The following BTBD8 variants were observed in gnomAD, a reference collection of about 807,000 sequenced individuals.
The protein encoded by BTBD8 is BTB/POZ domain-containing protein 8.
A neutral mutation model predicts 162.9 loss-of-function variants in BTBD8; 110 were observed. The observed-to-expected ratio is 0.68, with a 90% CI of 0.58 to 0.79. The LOEUF (loss-of-function observed/expected upper bound fraction) is 0.79, where lower values mean the gene tolerates loss of function less well. Among genes scored for constraint, BTBD8 ranks in the 30% least tolerant of loss-of-function variants. The pLI is 0.00. For missense variants in BTBD8, 1,905 were observed against 2,085.4 expected, an observed-to-expected ratio of 0.91 and a Z score of 1.68; for synonymous variants, 667 against 716.1, an observed-to-expected ratio of 0.93 and a Z score of 1.10.
intron 4 of BTBD8, among the ~76,000 whole-genome samples, chr1:92,123,191 T>C (rs1649262498): frequency 6.6e-6 from 1 of 152,228 alleles, no homozygotes; most frequent in Admixed American, 6.5e-5. Flanking sequence ...CTCAATTCTG[T>C]TCCAGTGATT....
intron 9 of BTBD8, among the ~76,000 whole-genome samples, chr1:92,165,481 G>A (rs1650364508): frequency 6.6e-6 from 1 of 151,794 alleles, no homozygotes; most frequent in Non-Finnish European, 1.5e-5. Flanking sequence ...TATGGTATCA[G>A]GGAAGATGTA....
chr1:92,175,361 C>T (rs1650679395), intron 13 of BTBD8, among the ~76,000 whole-genome samples: 1 of 150,372 alleles, frequency 6.7e-6, no homozygotes, highest in Non-Finnish European at 1.5e-5. Context: ...TGCCTGTAGT[C>T]CCAGCTACTC....
chr1:92,116,931 C>G (rs902279142), intron 4 of BTBD8, among the ~76,000 whole-genome samples: 1 of 151,378 alleles, frequency 6.6e-6, no homozygotes, highest in Non-Finnish European at 1.5e-5. Flanking sequence ...CTTCTGTAAC[C>G]TTGAACTGCT....
At chr1:92,092,264 T>C (rs1236339976) in intron 2 of BTBD8, among the ~76,000 whole-genome samples, 1 of 151,944 alleles carries the variant, frequency 6.6e-6, no homozygotes, top group Non-Finnish European at 1.5e-5. Context: ...TAGCTGGATG[T>C]GGTGGTGTGC....
chr1:92,153,412 TAAC>T (rs376057832), intron 9 of BTBD8, among the ~76,000 whole-genome samples: 3 of 152,300 alleles, frequency 2.0e-5, no homozygotes, highest in African/African-American at 7.2e-5. Flanking sequence ...TCTATGCTCT[TAAC>T]AAATTTTTAA....
chr1:92,097,428 G>A (rs1346690667), intron 2 of BTBD8, among the ~76,000 whole-genome samples: 2 of 151,946 alleles, frequency 1.3e-5, no homozygotes, highest in Non-Finnish European at 2.9e-5. Context: ...CCATTCTAAA[G>A]TGTATGAGTC....
chr1:92,161,388 A>G (rs1374077801), intron 9 of BTBD8, among the ~76,000 whole-genome samples: 3 of 152,258 alleles, frequency 2.0e-5, no homozygotes. Flanking sequence ...ACATTAGAGT[A>G]TAACATGGAG....
chr1:92,118,052 C>T (rs1453172541), intron 4 of BTBD8, among the ~76,000 whole-genome samples: 1 of 151,912 alleles, frequency 6.6e-6, no homozygotes, highest in Non-Finnish European at 1.5e-5. Context: ...GTACAGTATT[C>T]TCGTATACCC....
intron 12 of BTBD8, 31 bp downstream of exon 12, chr1:92,169,026 A>G (rs1050412912): frequency 8.7e-6 from 13 of 1,492,306 alleles, no homozygotes; most frequent in African/African-American, 8.3e-5. Flanking sequence ...TTCAATTCTT[A>G]TGTAATGATC....
chr1:92,144,967 GT>G (rs1200437204), intron 7 of BTBD8, among the ~76,000 whole-genome samples: 1 of 151,910 alleles, frequency 6.6e-6, no homozygotes, highest in East Asian at 1.9e-4. Flanking sequence ...TTTTGTTGTT[GT>G]TTTTTTGAGA....
At chr1:92,141,980 T>G (rs979198252) in intron 7 of BTBD8, among the ~76,000 whole-genome samples, 1 of 152,198 alleles carries the variant, frequency 6.6e-6, no homozygotes, top group Non-Finnish European at 1.5e-5. Flanking sequence ...ACGCTTAAAT[T>G]TAGATTTTTG....
intron 6 of BTBD8, 193 bp downstream of exon 6, chr1:92,139,623 TCA>T: frequency 1.7e-6 from 2 of 1,147,652 alleles, no homozygotes; most frequent in East Asian, 7.3e-5. Context: ...ACTTATCAAC[TCA>T]CAGTAATAAG....
rs2100670166 is a variant in BTBD8, at chr1:92,167,855, C to T, written c.1313C>T (p.Ala438Val). ...AATTTCTGTGTTTTATAGTCACAAGCAATGAGCAGCACAGCCGATCTGTTG... is the reference window on the plus strand; with the variant it reads ...AATTTCTGTGTTTTATAGTCACAAGTAATGAGCAGCACAGCCGATCTGTTG... ...ENFALLLQSQ[A>V]MSSTADLLDT... is the part of the protein sequence containing the mutation. The change falls in exon 11 of 18, where the codon GCA becomes GTA. Residue 438 changes from alanine to valine, a missense_variant. Around this residue, in one of 3 missense-constraint regions of BTBD8, gnomAD observed 1,374 missense variants for 1,442.7 expected, o/e 0.95. Transcript: ENST00000636805. 6.5e-7 allele frequency: 1 copy of T among 1,548,302 alleles called. No individual in the cohort carries two copies. Among genetic ancestry groups the T allele is most frequent in the East Asian group, 2.4e-5 (1 of 40,826 alleles).
At chr1:92,136,172 T>C (rs1034182602) in intron 5 of BTBD8, among the ~76,000 whole-genome samples, 1 of 152,170 alleles carries the variant, frequency 6.6e-6, no homozygotes, top group Non-Finnish European at 1.5e-5. Context: ...TATTTTCAAT[T>C]TAGTCTCCCT....
chr1:92,118,617 T>C (rs1402128443), intron 4 of BTBD8, among the ~76,000 whole-genome samples: 1 of 151,906 alleles, frequency 6.6e-6, no homozygotes. Flanking sequence ...ATTTAAGTGA[T>C]AGAAAGTAAT....
intron 4 of BTBD8, among the ~76,000 whole-genome samples, chr1:92,123,793 A>G (rs970855136): frequency 1.3e-5 from 2 of 151,260 alleles, no homozygotes; most frequent in Non-Finnish European, 2.9e-5. Context: ...AAAAAAAAAA[A>G]AAAGAAAATT....
intron 4 of BTBD8, among the ~76,000 whole-genome samples, chr1:92,122,171 A>G (rs1347161059): frequency 2.6e-5 from 4 of 152,078 alleles, no homozygotes; most frequent in Non-Finnish European, 5.9e-5. Context: ...ATTGCTGCAT[A>G]GTATTGGATT....
intron 3 of BTBD8, among the ~76,000 whole-genome samples, chr1:92,107,053 T>G (rs1648752747): frequency 6.6e-6 from 1 of 152,110 alleles, no homozygotes; most frequent in African/African-American, 2.4e-5. Context: ...CACTCCAGCC[T>G]GAGTGACAGA....
intron 6 of BTBD8, among the ~76,000 whole-genome samples, chr1:92,140,108 CAA>C (rs66840540): frequency 0.018 from 1,919 of 109,326 alleles, 48 homozygotes; most frequent in African/African-American, 0.056. Context: ...GACTCTGTCT[CAA>C]AAAAAAAAAA....
Sources: gnomAD v4.1 joint callset for allele counts (sites outside exome capture counted in the v4.1 genomes callset) on GRCh38, gnomAD v4.1.1 for gene constraint, gnomAD v4.1.1 regional missense constraint, MANE v1.5 for transcripts, NCBI Gene and HGNC (gene_info 2026-07-23, HGNC 2026-07-21) for gene names.